The following PRELID2 variants were observed in gnomAD, a reference collection of about 807,000 sequenced individuals.
PRELID2 encodes the protein PRELI domain containing 2.
Under a neutral mutation model 28.4 loss-of-function variants are expected in PRELID2, and 25 were observed. The ratio of observed to expected loss-of-function variants is 0.88; its 90% CI spans 0.64 to 1.23. PRELID2 has a LOEUF of 1.23. Among genes scored for constraint, PRELID2 ranks in the 50% most tolerant of loss-of-function variants. PRELID2 has a pLI of 0.00. For synonymous variants in PRELID2, 76 were observed against 71.6 expected, an observed-to-expected ratio of 1.06 and a Z score of -0.31; for missense variants, 201 against 214.4, an observed-to-expected ratio of 0.94 and a Z score of 0.39.
chr5:145,450,445 A>G, the PRELID2 span, among the ~76,000 whole-genome samples: 2 of 152,138 alleles, frequency 1.3e-5, no homozygotes, highest in Admixed American at 1.3e-4. Context: ...AGAAGCAACA[A>G]TCTACCTCCT....
chr5:145,340,529 AG>A, the PRELID2 span, among the ~76,000 whole-genome samples: 1 of 151,996 alleles, frequency 6.6e-6, no homozygotes, highest in Non-Finnish European at 1.5e-5. Flanking sequence ...GCACTTTGGG[AG>A]GCTGTGGTGG....
the PRELID2 span, among the ~76,000 whole-genome samples, chr5:145,349,954 G>T: frequency 6.6e-6 from 1 of 152,114 alleles, no homozygotes; most frequent in Non-Finnish European, 1.5e-5. Flanking sequence ...GTGCCAAAGA[G>T]GGCTCCCAAG....
chr5:145,350,871 G>C, the PRELID2 span, among the ~76,000 whole-genome samples: 3 of 152,164 alleles, frequency 2.0e-5, no homozygotes, highest in Non-Finnish European at 4.4e-5. Context: ...CTGAAAGGGA[G>C]CATCCTGGCT....
At chr5:145,720,432 G>A (rs1038605172) in intron 1 of PRELID2, among the ~76,000 whole-genome samples, 1 of 151,474 alleles carries the variant, frequency 6.6e-6, no homozygotes, top group Admixed American at 6.6e-5. Flanking sequence ...TACAGATCAA[G>A]GCAAGAAGCA....
intron 1 of PRELID2, among the ~76,000 whole-genome samples, chr5:145,498,222 G>A (rs1356791134): frequency 6.6e-6 from 1 of 152,108 alleles, no homozygotes; most frequent in East Asian, 1.9e-4. Flanking sequence ...ATCTTCTTAA[G>A]AACTCAGCAA....
At chr5:145,454,138 C>T in the PRELID2 span, among the ~76,000 whole-genome samples, 1 of 152,234 alleles carries the variant, frequency 6.6e-6, no homozygotes, top group Admixed American at 6.5e-5. Context: ...TGTTTCCTGA[C>T]TTTTTAATGA....
At position 145,835,169 on chromosome 5, in the gene PRELID2, G is replaced by T. The variant is rs1343391491; in HGVS notation, c.75+8C>A. On this transcript the variant is annotated splice_region_variant and intron_variant, in intron 1 of 6. Transcript: ENST00000683046. ...CGCGGGATACGGAAGGTGGAAGCGG[G>T]GCGGTACCTTTCGGAGAAAGCTGGC... 1.3e-6 allele frequency: 2 copies of T among 1,544,314 alleles called. No individual in the cohort carries two copies. The highest frequency in any genetic ancestry group is 3.9e-5 in the Admixed American group (2 of 50,894).
the PRELID2 span, among the ~76,000 whole-genome samples, chr5:145,393,770 T>C: frequency 3.3e-5 from 5 of 152,164 alleles, no homozygotes; most frequent in Non-Finnish European, 7.4e-5. Flanking sequence ...AAACTTAAAA[T>C]ACGTGTGGAG....
At chr5:145,240,346 T>C in the PRELID2 span, among the ~76,000 whole-genome samples, 1 of 151,998 alleles carries the variant, frequency 6.6e-6, no homozygotes, top group Non-Finnish European at 1.5e-5. Flanking sequence ...CATTAACCAA[T>C]ATTAACATTT....
chr5:145,354,160 A>G, the PRELID2 span, among the ~76,000 whole-genome samples: 38 of 151,642 alleles, frequency 2.5e-4, no homozygotes, highest in Non-Finnish European at 5.1e-4. Context: ...TGTAATTACC[A>G]TCCTACCTCT....
chr5:145,527,440 T>C (rs527434069), intron 1 of PRELID2, among the ~76,000 whole-genome samples: 26 of 152,344 alleles, frequency 1.7e-4, no homozygotes, highest in African/African-American at 5.5e-4. Flanking sequence ...GTATCATTTC[T>C]TATAATTGCA....
At chr5:145,727,805 T>C (rs1427273069) in intron 1 of PRELID2, among the ~76,000 whole-genome samples, 2 of 152,216 alleles carry the variant, frequency 1.3e-5, no homozygotes, top group African/African-American at 4.8e-5. Context: ...TGGCTTTAAT[T>C]ATCAAGACAG....
intron 1 of PRELID2, among the ~76,000 whole-genome samples, chr5:145,740,020 C>G (rs1756611156): frequency 6.6e-6 from 1 of 150,680 alleles, no homozygotes. Context: ...GGCCAAAATA[C>G]ACAAATTAAG....
the PRELID2 span, chr5:145,230,097 T>G: frequency 4.0e-5 from 25 of 628,628 alleles, no homozygotes; most frequent in South Asian, 8.7e-5. Flanking sequence ...AATTTGCAGA[T>G]CCCCCAAGTA....
the PRELID2 span, among the ~76,000 whole-genome samples, chr5:145,368,414 A>C: frequency 1.3e-5 from 2 of 151,904 alleles, no homozygotes; most frequent in African/African-American, 4.8e-5. Flanking sequence ...AGACACCTCA[A>C]AGTCACCATG....
At chr5:145,468,631 C>T (rs1199726091), downstream of PRELID2, among the ~76,000 whole-genome samples, 2 of 152,126 alleles carry the variant, frequency 1.3e-5, no homozygotes, top group East Asian at 3.9e-4. Context: ...GAGATGGCAT[C>T]TCACTGTGGT....
intron 1 of PRELID2, among the ~76,000 whole-genome samples, chr5:145,495,743 T>C (rs1221393439): frequency 6.6e-6 from 1 of 152,226 alleles, no homozygotes; most frequent in African/African-American, 2.4e-5. Flanking sequence ...CTTAATGCAT[T>C]AATAATGCTA....
the PRELID2 span, among the ~76,000 whole-genome samples, chr5:145,319,928 CT>C: frequency 6.6e-6 from 1 of 152,072 alleles, no homozygotes; most frequent in Non-Finnish European, 1.5e-5. Flanking sequence ...ATACCACTGC[CT>C]TTTGTCAATA....
chr5:145,231,802 G>C, the PRELID2 span, among the ~76,000 whole-genome samples: 10 of 152,136 alleles, frequency 6.6e-5, no homozygotes, highest in Admixed American at 2.6e-4. Flanking sequence ...GAAGAGAGAA[G>C]GTGTCTTCTT....
Sources: gnomAD v4.1 joint callset for allele counts (sites outside exome capture counted in the v4.1 genomes callset) on GRCh38, gnomAD v4.1.1 for gene constraint, MANE v1.5 for transcripts, NCBI Gene and HGNC (gene_info 2026-07-23, HGNC 2026-07-21) for gene names.